The following C9orf72 variants were observed in gnomAD, a reference collection of about 807,000 sequenced individuals.
The protein encoded by C9orf72 is C9orf72-SMCR8 complex subunit.
A neutral mutation model predicts 51.6 loss-of-function variants in C9orf72; 44 were observed. The observed-to-expected ratio is 0.85, with a 90% CI of 0.67 to 1.10. The LOEUF (loss-of-function observed/expected upper bound fraction) is 1.10. Among genes scored for constraint, C9orf72 ranks in the 50% least tolerant of loss-of-function variants. The pLI, the probability that C9orf72 is intolerant of heterozygous loss-of-function variation, is 0.00. For missense variants in C9orf72, 607 were observed against 570.6 expected, an observed-to-expected ratio of 1.06 and a Z score of -0.65; for synonymous variants, 213 against 194.2, an observed-to-expected ratio of 1.10 and a Z score of -0.81.
intron 3 of C9orf72, among the ~76,000 whole-genome samples, chr9:27,563,874 A>G (rs1280008018): frequency 1.3e-5 from 2 of 152,186 alleles, no homozygotes; most frequent in Non-Finnish European, 2.9e-5. Flanking sequence ...AATAATGACT[A>G]GATCCGTGTT....
intron 6 of C9orf72, 100 bp downstream of exon 6, chr9:27,560,127 C>T (rs1478127649): frequency 6.9e-6 from 5 of 725,408 alleles, no homozygotes; most frequent in Non-Finnish European, 1.1e-5. Context: ...CCTTATACTA[C>T]TAGATCATTT....
At chr9:27,560,887 C>G in intron 5 of C9orf72, 1 of 526,218 alleles carries the variant, frequency 1.9e-6, no homozygotes, top group Non-Finnish European at 2.4e-6. Context: ...TGTAAAGCAA[C>G]TAGTAAAGGA....
At chr9:27,567,509 G>T (rs73643417) in intron 1 of C9orf72, among the ~76,000 whole-genome samples, 1 of 152,138 alleles carries the variant, frequency 6.6e-6, no homozygotes, top group Non-Finnish European at 1.5e-5. Context: ...TCCAGTCCAT[G>T]TGCAATTCTA....
intron 8 of C9orf72, among the ~76,000 whole-genome samples, chr9:27,552,968 T>C (rs1820938731): frequency 6.6e-6 from 1 of 152,192 alleles, no homozygotes; most frequent in Non-Finnish European, 1.5e-5. Flanking sequence ...GGTATCAGAA[T>C]GATGCTGGCC....
chr9:27,561,986 C>T (rs560828740), intron 4 of C9orf72, among the ~76,000 whole-genome samples: 5 of 152,266 alleles, frequency 3.3e-5, no homozygotes, highest in South Asian at 2.1e-4. Flanking sequence ...TGATTCAAAA[C>T]GTCCTCAACA....
chr9:27,559,281 A>AC (rs1554660533), intron 6 of C9orf72: 5 of 151,474 alleles, frequency 3.3e-5, no homozygotes, highest in Non-Finnish European at 7.4e-5. Context: ...AAAAAAAAAA[A>AC]AAAACACTCC....
intron 9 of C9orf72, among the ~76,000 whole-genome samples, chr9:27,549,503 A>T (rs1006326330): frequency 2.0e-5 from 3 of 152,132 alleles, no homozygotes; most frequent in South Asian, 2.1e-4. Flanking sequence ...GACCTCATAG[A>T]TCTCAATCCA....
chr9:27,548,687 T>G, intron 9 of C9orf72, 21 bp from the exon 10 acceptor site: 1 of 1,376,632 alleles, frequency 7.3e-7, no homozygotes, highest in Non-Finnish European at 1.0e-6. Flanking sequence ...AGGAACCATT[T>G]CAACACATAA....
chr9:27,560,587 A>G (rs1819319701), intron 5 of C9orf72: 2 of 863,308 alleles, frequency 2.3e-6, no homozygotes, highest in South Asian at 3.8e-5. Context: ...AGCTGAAGAA[A>G]TTGACATGTA....
chr9:27,555,595 G>A (rs565065886), intron 8 of C9orf72, among the ~76,000 whole-genome samples: 41 of 148,124 alleles, frequency 2.8e-4, no homozygotes, highest in African/African-American at 4.2e-4. Flanking sequence ...ACAGAGTCTC[G>A]GTGTTCCCCA....
Position 27,548,129 on chromosome 9 carries a change from T to C in C9orf72, c.*107A>G, listed in dbSNP as rs926501246. On this transcript the variant is annotated 3_prime_UTR_variant, in exon 11 of 11. Coordinates refer to ENST00000380003, the MANE Select transcript of C9orf72 (RefSeq NM_018325.5). ...GTGTAACTTACTTAACTGCAATTGCTGAGAGCAGAATTCTGGAGTATGATC... is the reference window on the plus strand; with the variant it reads ...GTGTAACTTACTTAACTGCAATTGCCGAGAGCAGAATTCTGGAGTATGATC... 5.1e-6 allele frequency: 4 copies of C among 789,278 alleles called. No individual in the cohort carries two copies. The highest frequency in any genetic ancestry group is 3.6e-5 in the African/African-American group (2 of 56,090). The allele number at this position is 789,278 out of a possible 1,614,324, so 48.9% of individuals were successfully genotyped here.
chr9:27,557,240 T>G (rs983232645), intron 7 of C9orf72, among the ~76,000 whole-genome samples: 5 of 152,180 alleles, frequency 3.3e-5, no homozygotes, highest in African/African-American at 1.2e-4. Flanking sequence ...TTCACTGGAT[T>G]CAAAATTACA....
At chr9:27,559,350 G>C (rs1819285702) in intron 6 of C9orf72, 1 of 151,274 alleles carries the variant, frequency 6.6e-6, no homozygotes. Context: ...TGCAACCTAA[G>C]GCTTTGGAGA....
Position 27,550,715 on chromosome 9 carries a change from A to G in C9orf72, c.1092-8T>C. On this transcript the variant is annotated splice_polypyrimidine_tract_variant and splice_region_variant and intron_variant, in intron 8 of 10. Transcript: ENST00000380003. ...ACATCTTGAAAAATATTCCTGAAGA[A>G]AAGAAGAAAATGAAGAAAAGAAAAA... The G allele has an allele frequency of 6.4e-7, 1 of 1,557,842 alleles. No individual in the cohort carries two copies. The highest frequency in any genetic ancestry group is 8.8e-7 in the Non-Finnish European group (1 of 1,140,054).
At chr9:27,549,511 C>A (rs1389965988) in intron 9 of C9orf72, among the ~76,000 whole-genome samples, 1 of 152,062 alleles carries the variant, frequency 6.6e-6, no homozygotes, top group African/African-American at 2.4e-5. Context: ...AGATCTCAAT[C>A]CAAAATTTCT....
intron 7 of C9orf72, among the ~76,000 whole-genome samples, chr9:27,557,267 T>C (rs1461991894): frequency 6.6e-6 from 1 of 152,186 alleles, no homozygotes. Flanking sequence ...TTTTAATTTC[T>C]TAATTATTCT....
chr9:27,563,395 G>C (rs1389442020), intron 3 of C9orf72, among the ~76,000 whole-genome samples: 1 of 152,114 alleles, frequency 6.6e-6, no homozygotes, highest in African/African-American at 2.4e-5. Flanking sequence ...ACCACCACCA[G>C]TCTCATCAGT....
intron 7 of C9orf72, among the ~76,000 whole-genome samples, chr9:27,558,095 A>T (rs1433106890): frequency 6.7e-6 from 1 of 150,078 alleles, no homozygotes; most frequent in Non-Finnish European, 1.5e-5. Flanking sequence ...ATTTTAGTAC[A>T]CATACATAGG....
rs748164180 is a variant in C9orf72 at position 27,566,743 on chromosome 9, T to C, written c.378A>G (p.Pro126=). ...LPQTELSFYL[P]LHRVCVDRLT... is the part of the protein sequence containing the mutation. ...ATCTATCAACACACACTCTATGAAG[T>C]GGGAGGTAGAAACTAAGTTCTGTCT... The change falls in exon 2 of 11, where the codon CCA becomes CCG. Residue 126 remains proline (P), a synonymous_variant. Transcript: ENST00000380003. 3.1e-6 allele frequency: 5 copies of C among 1,613,812 alleles called. No individual in the cohort carries two copies. Among genetic ancestry groups the C allele is most frequent in the African/African-American group, 2.7e-5 (2 of 75,036 alleles).
Sources: gnomAD v4.1 joint callset for allele counts (sites outside exome capture counted in the v4.1 genomes callset) on GRCh38, gnomAD v4.1.1 for gene constraint, MANE v1.5 for transcripts, NCBI Gene and HGNC (gene_info 2026-07-23, HGNC 2026-07-21) for gene names.